PAN3: variants seen among roughly 807,000 people sequenced by gnomAD.
PAN3 encodes the protein poly(A) specific ribonuclease subunit PAN3.
PAN3 carries 19 observed loss-of-function variants against 96.2 expected under a neutral mutation model. The observed-to-expected ratio is 0.20, with a 90% CI of 0.14 to 0.29. The LOEUF (loss-of-function observed/expected upper bound fraction) is 0.29. Ranked by LOEUF, PAN3 falls within the 10% of genes least tolerant of loss-of-function variation. The pLI is 1.00. For missense variants in PAN3, 882 were observed against 1,108.1 expected (o/e 0.80, Z 2.90); for synonymous variants, 433 against 406.6 (o/e 1.06, Z -0.78).
At chr13:28,184,026 G>A (rs1401211326) in intron 4 of PAN3, among the ~76,000 whole-genome samples, 3 of 152,108 alleles carry the variant, frequency 2.0e-5, no homozygotes, top group Non-Finnish European at 4.4e-5. Context: ...TGGTTCTGTA[G>A]CTGCTCTGAG....
At chr13:28,170,431 T>C (rs1377166885) in intron 1 of PAN3, among the ~76,000 whole-genome samples, 2 of 152,216 alleles carry the variant, frequency 1.3e-5, no homozygotes, top group Non-Finnish European at 2.9e-5. Context: ...AAAAATTCTA[T>C]TAAGACAAGA....
At chr13:28,239,193 GCACACACGCA>G (rs1883405190) in intron 6 of PAN3, among the ~76,000 whole-genome samples, 1 of 71,640 alleles carries the variant, frequency 1.4e-5, no homozygotes, top group African/African-American at 6.3e-5. Context: ...ACACACGCAT[GCACACACGCA>G]CACACACACA....
intron 9 of PAN3, among the ~76,000 whole-genome samples, chr13:28,263,744 A>G (rs1325637665): frequency 6.6e-6 from 1 of 152,246 alleles, no homozygotes; most frequent in Non-Finnish European, 1.5e-5. Context: ...ACAGAACTCT[A>G]AAACTCTTTC....
intron 1 of PAN3, among the ~76,000 whole-genome samples, chr13:28,155,589 G>A (rs561863144): frequency 5.6e-4 from 85 of 151,358 alleles, no homozygotes; most frequent in Middle Eastern, 6.8e-3. Context: ...ACTCCATCTC[G>A]AAAAAAAATA....
In PAN3 at chr13:28,174,183, CTT is replaced by C; in HGVS notation, c.431-87_431-86del. 3.7e-6 allele frequency: 5 copies of C among 1,364,680 alleles called. No homozygotes were observed. The Middle Eastern group carries it at 5.7e-4, about 155-fold the overall frequency. 84.5% of individuals were successfully genotyped at this position (1,364,680 alleles called of 1,614,324 possible). On this transcript the variant is annotated intron_variant, in intron 1 of 18. Transcript: ENST00000380958. ...AAAAATAAGTGTGACAGATTTGAGA[CTT>C]TACAACTTATTTAGGAACACAGAAG...
intron 1 of PAN3, among the ~76,000 whole-genome samples, chr13:28,146,107 C>T (rs1381424969): frequency 6.6e-6 from 1 of 151,992 alleles, no homozygotes; most frequent in East Asian, 1.9e-4. Flanking sequence ...TAAAAATTTA[C>T]ATTGGAATAG....
chr13:28,177,934 A>G lies in PAN3; in HGVS notation c.689A>G (p.Lys230Arg), dbSNP rs1371913053. The G allele has an allele frequency of 6.2e-7, 1 of 1,603,430 alleles. No individual in the cohort carries two copies. The highest frequency in any genetic ancestry group is 8.5e-7 in the Non-Finnish European group (1 of 1,170,664). The change falls in exon 4 of 19, where the codon AAG (lysine) becomes AGG (arginine). Residue 230 changes from lysine (K) to arginine (R), a missense_variant and splice_region_variant. By Grantham distance (26) the Lys-to-Arg change is conservative. Around this residue, in one of 3 missense-constraint regions of PAN3, gnomAD observed 442 missense variants for 422.8 expected, o/e 1.05. Coordinates refer to ENST00000380958, the MANE Select transcript of PAN3 (RefSeq NM_175854.8). ...FGALNISQRRKPRKYRLGMLE... is the reference protein window; with the variant it reads ...FGALNISQRRRPRKYRLGMLE... ...GCCCTCAACATCTCTCAGAGACGAA[A>G]GGTAGGTGAAATTGAAACTTGAATT...
At chr13:28,160,091 G>A (rs545543954) in intron 1 of PAN3, among the ~76,000 whole-genome samples, 10 of 151,932 alleles carry the variant, frequency 6.6e-5, no homozygotes, top group African/African-American at 1.2e-4. Context: ...ACAGGTGTAC[G>A]CCACCACGCC....
At chr13:28,205,571 C>T (rs559881406) in intron 5 of PAN3, among the ~76,000 whole-genome samples, 1 of 152,202 alleles carries the variant, frequency 6.6e-6, no homozygotes, top group South Asian at 2.1e-4. Context: ...GGTGTGATAA[C>T]TCATTCTTGT....
At chr13:28,236,238 T>A (rs996833950) in intron 6 of PAN3, among the ~76,000 whole-genome samples, 1 of 152,194 alleles carries the variant, frequency 6.6e-6, no homozygotes. Flanking sequence ...ATTTTTAGAA[T>A]CTTGCTCAGC....
At chr13:28,234,581 C>T (rs566628952) in intron 6 of PAN3, among the ~76,000 whole-genome samples, 1 of 152,176 alleles carries the variant, frequency 6.6e-6, no homozygotes, top group African/African-American at 2.4e-5. Flanking sequence ...TCTTAATTGC[C>T]TTAGGAAAGT....
chr13:28,224,984 AC>A (rs1881847538), intron 6 of PAN3, among the ~76,000 whole-genome samples: 1 of 152,118 alleles, frequency 6.6e-6, no homozygotes, highest in African/African-American at 2.4e-5. Context: ...TAATTATTAT[AC>A]CAAAATTAGC....
In PAN3 at chr13:28,192,261, G is replaced by T. The variant is rs181399436; in HGVS notation, c.691-4924G>T. Among the ~76,000 whole-genome samples the T allele has an allele frequency of 3.0e-3, 451 of 151,724 alleles. 3 individuals carry two copies. Among genetic ancestry groups the T allele is most frequent in the Non-Finnish European group, 5.8e-3 (396 of 67,934 alleles). The stretch of plus-strand genomic sequence containing the variant: ...ATTTTTGTATTTTTAGTAGAGACAG[G>T]GTTTCACCATGTTGGCCAGGCTGGT... On this transcript the variant is annotated intron_variant, in intron 4 of 18. Transcript: ENST00000380958.
At chr13:28,176,234 A>G (rs1874966917) in intron 2 of PAN3, among the ~76,000 whole-genome samples, 1 of 152,186 alleles carries the variant, frequency 6.6e-6, no homozygotes. Flanking sequence ...TGCCCAGGCT[A>G]ATAAGTTATG....
Position 28,277,377 on chromosome 13 carries a change from G to C in PAN3, c.2189+1G>C. 6.2e-7 allele frequency: 1 copy of C among 1,608,180 alleles called. No homozygotes were observed. Among genetic ancestry groups the C allele is most frequent in the Non-Finnish European group, 8.5e-7 (1 of 1,177,684 alleles). On this transcript the variant is annotated splice_donor_variant, in intron 15 of 18. Coordinates refer to ENST00000380958, the MANE Select transcript of PAN3 (RefSeq NM_175854.8). LOFTEE classifies it high-confidence loss of function. Reference sequence around the variant, plus strand: ...CCTCTGACCTGAAGAATCTGATTTTGTAAGTTTTAATATATGATAAATTGT... The same window carrying C: ...CCTCTGACCTGAAGAATCTGATTTTCTAAGTTTTAATATATGATAAATTGT...
intron 6 of PAN3, among the ~76,000 whole-genome samples, chr13:28,222,261 G>C (rs771789678): frequency 1.3e-5 from 2 of 151,984 alleles, no homozygotes; most frequent in Non-Finnish European, 2.9e-5. Flanking sequence ...TATATTCATT[G>C]GTCCCAATTG....
rs1476898576 is a variant in PAN3, at chr13:28,232,690, A to T, written c.1000+12312A>T. 8 of 152,274 alleles carry T rather than the reference A, an allele frequency of 5.3e-5. No homozygotes were observed. In the East Asian group the frequency reaches 1.5e-3, roughly 29 times the overall value. The allele number at this position is 152,274 out of a possible 1,614,324, so 9.4% of individuals were successfully genotyped here. On this transcript the variant is annotated intron_variant, in intron 6 of 18. Coordinates refer to ENST00000380958, the MANE Select transcript of PAN3 (RefSeq NM_175854.8). ...TTGAGAATTTAATTTCCATTGGCAT[A>T]AACACAAATGATATGCACAGAATTA...
At chr13:28,283,173 A>C (rs1247754681) in intron 17 of PAN3, among the ~76,000 whole-genome samples, 1 of 151,582 alleles carries the variant, frequency 6.6e-6, no homozygotes, top group African/African-American at 2.4e-5. Flanking sequence ...CTCAGCTTCC[A>C]GTGTAGCTGG....
chr13:28,244,111 G>A (rs1460975095), intron 6 of PAN3, among the ~76,000 whole-genome samples: 1 of 152,078 alleles, frequency 6.6e-6, no homozygotes, highest in Non-Finnish European at 1.5e-5. Context: ...TGTATAATTT[G>A]TTCATTTTCC....
Sources: allele counts gnomAD v4.1 joint callset (sites outside exome capture counted in the v4.1 genomes callset), GRCh38; gene constraint gnomAD v4.1.1; regional missense constraint gnomAD v4.1.1; transcripts MANE v1.5; gene names NCBI Gene and HGNC (gene_info 2026-07-23, HGNC 2026-07-21).